The following ZZEF1 variants were observed in gnomAD, a reference collection of about 807,000 sequenced individuals.
The protein encoded by ZZEF1 is zinc finger ZZ-type and EF-hand domain containing 1.
In ZZEF1, 157 loss-of-function variants were observed where a neutral mutation model predicts 342.8. That is an observed-to-expected ratio of 0.46 (90% CI 0.40 to 0.52). ZZEF1 has a LOEUF of 0.52. Ranked by LOEUF, ZZEF1 falls within the 20% of genes least tolerant of loss-of-function variation. The probability of loss-of-function intolerance (pLI) is 0.00; values close to 1 mark genes in which losing one functional copy is unlikely to be tolerated. For missense variants in ZZEF1, 3,480 were observed against 3,725.6 expected, an observed-to-expected ratio of 0.93 and a Z score of 1.72; for synonymous variants, 1,505 against 1,429.1, an observed-to-expected ratio of 1.05 and a Z score of -1.20.
In ZZEF1 at chr17:4,139,130, G is replaced by A. The variant is rs184095921; in HGVS notation, c.354+3412C>T. Among the ~76,000 whole-genome samples the A allele has an allele frequency of 8.1e-5, 11 of 136,316 alleles. 1 individual carries two copies. Among genetic ancestry groups the A allele is most frequent in the African/African-American group, 1.2e-4 (4 of 33,998 alleles). 89.4% of individuals were successfully genotyped at this position (136,316 alleles called of 152,430 possible). On this transcript the variant is annotated intron_variant, in intron 1 of 54. Transcript: ENST00000381638. The stretch of plus-strand genomic sequence containing the variant: ...CTCTCAGCATTATAATAAACCATGC[G>A]CACCTTCTCCCTGGACCACACCTAC...
intron 4 of ZZEF1, among the ~76,000 whole-genome samples, chr17:4,113,520 C>T (rs934531494): frequency 9.2e-5 from 14 of 152,096 alleles, no homozygotes; most frequent in African/African-American, 2.9e-4. Context: ...CAAAAATTAG[C>T]TGAGTGTGGT....
intron 11 of ZZEF1, among the ~76,000 whole-genome samples, chr17:4,092,810 A>G (rs2057969310): frequency 6.6e-6 from 1 of 152,288 alleles, no homozygotes; most frequent in South Asian, 2.1e-4. Context: ...GTATCAGAGA[A>G]CAGAGAGAAG....
intron 3 of ZZEF1, 59 bp from the exon 4 acceptor site, chr17:4,114,529 G>C: frequency 7.5e-7 from 1 of 1,331,914 alleles, no homozygotes; most frequent in Non-Finnish European, 9.9e-7. Flanking sequence ...AAAAAAAAGA[G>C]TCATTTAAAA....
chr17:4,066,019 T>G (rs576487815), intron 28 of ZZEF1, among the ~76,000 whole-genome samples: 1 of 152,134 alleles, frequency 6.6e-6, no homozygotes, highest in African/African-American at 2.4e-5. Flanking sequence ...AAAAAAAAAT[T>G]TGCCAGGTGT....
At position 4,085,731 on chromosome 17, in the gene ZZEF1, T is replaced by C. The variant is rs78472525; in HGVS notation, c.2585A>G (p.Asn862Ser). ...ATTAGGAAAGAAGATGGCAGCCCCA[T>C]TGAGAAGGGTATTCCTGACTTCTTG... is the stretch of plus-strand genomic sequence containing the variant. Reference protein sequence around the residue: ...LKQEVRNTLLNGAAIFFPNRQ... With the variant: ...LKQEVRNTLLSGAAIFFPNRQ... Residue 862 changes from asparagine to serine, a missense_variant, in exon 16 of 55, where the codon AAT becomes AGT. Physicochemically the swap from Asn to Ser is conservative, Grantham distance 46. Transcript: ENST00000381638. 925 of 1,614,138 alleles carry C rather than the reference T, an allele frequency of 5.7e-4. 11 individuals carry two copies. The East Asian group carries it at 0.018, about 31-fold the overall frequency.
chr17:4,024,952 G>T lies in ZZEF1; in HGVS notation c.7059C>A (p.Ser2353=). ...TTTTATACAATCCTTTCAGGGCCAG[G>T]GACAGGACCCAAGTTGCTTCTACTG... is the stretch of plus-strand genomic sequence containing the variant. ...PEAVEATWVL[S]LALKGLYKTL... The change falls in exon 43 of 55, where the codon TCC becomes TCA. Residue 2353 remains serine, a synonymous_variant. Coordinates refer to ENST00000381638, the MANE Select transcript of ZZEF1 (RefSeq NM_015113.4). 1.9e-6 allele frequency: 3 copies of T among 1,614,154 alleles called. No homozygotes were observed. The highest frequency in any genetic ancestry group is 2.5e-6 in the Non-Finnish European group (3 of 1,180,024).
At chr17:4,072,783 G>A (rs553427850) in intron 24 of ZZEF1, 27 bp from the exon 25 acceptor site, 2 of 1,557,240 alleles carry the variant, frequency 1.3e-6, no homozygotes, top group African/African-American at 1.4e-5. Context: ...ACATATGACA[G>A]TTCTATTTTT....
At chr17:4,133,860 A>G (rs910392513) in intron 1 of ZZEF1, among the ~76,000 whole-genome samples, 2 of 151,752 alleles carry the variant, frequency 1.3e-5, no homozygotes, top group Admixed American at 6.6e-5. Flanking sequence ...TGGCTGGGAC[A>G]TGCTCAGCTA....
intron 53 of ZZEF1, chr17:4,009,287 G>A (rs984473428): frequency 3.0e-5 from 17 of 563,244 alleles, no homozygotes; most frequent in Non-Finnish European, 4.5e-5. Context: ...GTGCTGAGGG[G>A]AGGAAAAAAA....
intron 1 of ZZEF1, among the ~76,000 whole-genome samples, chr17:4,140,320 G>GT (rs1329293858): frequency 2.0e-5 from 3 of 152,200 alleles, no homozygotes; most frequent in African/African-American, 4.8e-5. Context: ...CTGAAACGCT[G>GT]TTACTACCTC....
In ZZEF1 at chr17:4,019,771, TGGAGGCCAGG is replaced by T. The variant is rs1196479101; in HGVS notation, c.7405-12_7405-3del. 1 of 1,605,822 alleles carries T rather than the reference TGGAGGCCAGG, an allele frequency of 6.2e-7. No individual in the cohort carries two copies. The highest frequency in any genetic ancestry group is 8.5e-7 in the Non-Finnish European group (1 of 1,177,472). On this transcript the variant is annotated splice_polypyrimidine_tract_variant and splice_region_variant and intron_variant, in intron 45 of 54. Transcript: ENST00000381638. ...GGCATTGAGGGCATCATGAGCCATC[TGGAGGCCAGG>T]GGAGGACGCAGACAAGAACCATTAA...
chr17:4,053,714 C>G (rs2057097657), intron 34 of ZZEF1, among the ~76,000 whole-genome samples: 1 of 152,218 alleles, frequency 6.6e-6, no homozygotes, highest in South Asian at 2.1e-4. Flanking sequence ...TTGAAGCTTG[C>G]TTGTGTATGT....
Position 4,066,526 on chromosome 17 carries a change from C to T in ZZEF1, c.4170G>A (p.Gln1390=). Residue 1390 remains glutamine (Q), a synonymous_variant, in exon 28 of 55, where the codon CAG becomes CAA. Transcript: ENST00000381638. The stretch of plus-strand genomic sequence containing the variant: ...CATTCCCCAGGCTCATCAGGGACTT[C>T]TGCTTCATCTCTAACTAGGGGAGAA... ...GIRIWMLEMK[Q]KSLMSLGNEA... The T allele has an allele frequency of 6.2e-7, 1 of 1,614,148 alleles. No homozygotes were observed.
chr17:4,087,780 C>CAAA, intron 13 of ZZEF1, among the ~76,000 whole-genome samples: 1 of 111,026 alleles, frequency 9.0e-6, no homozygotes, highest in East Asian at 2.5e-4. Context: ...GATATATACA[C>CAAA]ACAACACACA....
At chr17:4,104,957 TA>T in intron 7 of ZZEF1, 146 bp from the exon 8 acceptor site, 1 of 633,252 alleles carries the variant, frequency 1.6e-6, no homozygotes, top group Non-Finnish European at 2.6e-6. Flanking sequence ...TCAAAATCCT[TA>T]AGGTAACCTA....
rs116421142 is a variant in ZZEF1, at chr17:4,059,441, G to A, written c.4884-151C>T. ...AGTAAATACAAATATAATACCTATA[G>A]AAGGTAACACACAAAACAGCAAGTG... On this transcript the variant is annotated intron_variant, in intron 30 of 54. Coordinates refer to ENST00000381638, the MANE Select transcript of ZZEF1 (RefSeq NM_015113.4). 2,175 of 953,878 alleles carry A rather than the reference G, an allele frequency of 2.3e-3. 26 individuals carry two copies. The African/African-American group carries it at 0.027, about 12-fold the overall frequency. 59.1% of individuals were successfully genotyped at this position (953,878 alleles called of 1,614,324 possible). A position where few individuals can be genotyped will look rare whatever the true frequency, so the allele number is the denominator to read the frequency against.
chr17:4,080,544 TA>T (rs977026105), intron 18 of ZZEF1, among the ~76,000 whole-genome samples: 2 of 152,182 alleles, frequency 1.3e-5, no homozygotes, highest in Non-Finnish European at 2.9e-5. Flanking sequence ...AATTTTTAAT[TA>T]AAAATTAAAT....
At chr17:4,031,313 CT>C (rs2056539159) in intron 42 of ZZEF1, among the ~76,000 whole-genome samples, 1 of 64,108 alleles carries the variant, frequency 1.6e-5, no homozygotes, top group Non-Finnish European at 2.8e-5. Context: ...GAGACTTGGT[CT>C]CAAAAATAAA....
At chr17:4,079,637 C>T (rs76836891) in intron 18 of ZZEF1, among the ~76,000 whole-genome samples, 325 of 152,260 alleles carry the variant, frequency 2.1e-3, no homozygotes, top group African/African-American at 7.2e-3. Context: ...GTCAACGTTA[C>T]CCTAGATCTA....
Sources: gnomAD v4.1 joint callset for allele counts (sites outside exome capture counted in the v4.1 genomes callset) on GRCh38, gnomAD v4.1.1 for gene constraint, MANE v1.5 for transcripts, NCBI Gene and HGNC (gene_info 2026-07-23, HGNC 2026-07-21) for gene names.